Variants in TBC1D16 observed in about 807,000 individuals in gnomAD.
The protein encoded by TBC1D16 is TBC1 domain family member 16.
A neutral mutation model predicts 74.7 loss-of-function variants in TBC1D16; 58 were observed. That is an observed-to-expected ratio of 0.78 (90% CI 0.63 to 0.97). TBC1D16 has a LOEUF of 0.97. Among genes scored for constraint, TBC1D16 ranks in the 50% least tolerant of loss-of-function variants. TBC1D16 has a pLI of 0.00. For synonymous variants in TBC1D16, 493 were observed against 474.7 expected (o/e 1.04, Z -0.50); for missense variants, 1,014 against 1,079.5 (o/e 0.94, Z 0.85).
At position 79,987,102 on chromosome 17, in the gene TBC1D16, GCAGAA is replaced by G. The variant is rs2034870611; in HGVS notation, c.779+23053_779+23057del. On this transcript the variant is annotated intron_variant, in intron 3 of 11. Transcript: ENST00000310924. This position sits in a 1 kb window ranked among gnomAD's most constrained non-coding sequence, Gnocchi z 5.2. Reference sequence around the variant, plus strand: ...GCTGTGCCCAGTGTCGCTGCCCAAGGCAGAACTGGCTGCCCACCAGGGGCAGGAGA... The same window carrying G: ...GCTGTGCCCAGTGTCGCTGCCCAAGGCTGGCTGCCCACCAGGGGCAGGAGA... Among the ~76,000 whole-genome samples, 2 of 152,206 alleles carry G rather than the reference GCAGAA, an allele frequency of 1.3e-5. No individual in the cohort carries two copies. The highest frequency in any genetic ancestry group is 4.8e-5 in the African/African-American group (2 of 41,460).
chr17:79,949,499 G>A (rs1231638589), intron 7 of TBC1D16, among the ~76,000 whole-genome samples: 5 of 152,230 alleles, frequency 3.3e-5, no homozygotes, highest in African/African-American at 1.2e-4. Flanking sequence ...ACCTTGACAT[G>A]TGAGCTAACG....
Position 79,948,879 on chromosome 17 carries a change from T to C in TBC1D16, c.1534A>G (p.Ser512Gly), listed in dbSNP as rs1469693207. The C allele has an allele frequency of 1.2e-6, 2 of 1,613,914 alleles. No individual in the cohort carries two copies. Among genetic ancestry groups the C allele is most frequent in the Non-Finnish European group, 8.5e-7 (1 of 1,179,982 alleles). Reference protein sequence around the residue: ...FRGEDNPNVESMRRILLNYAV... With the variant: ...FRGEDNPNVEGMRRILLNYAV... ...TGGCTGGGGAGGGAGTACCTCATGCTCTCCACATTGGGATTGTCTTCCCCC... is the reference window on the plus strand; with the variant it reads ...TGGCTGGGGAGGGAGTACCTCATGCCCTCCACATTGGGATTGTCTTCCCCC... The change falls in exon 8 of 12, where the codon AGC (serine) becomes GGC (glycine). Residue 512 changes from serine to glycine, a missense_variant. Transcript: ENST00000310924.
chr17:80,013,269 A>G (rs1483032688), intron 2 of TBC1D16, 98 bp downstream of exon 2: 1 of 1,182,226 alleles, frequency 8.5e-7, no homozygotes, highest in East Asian at 2.8e-5. Context: ...AGAGGAACCA[A>G]ATGCACTCTC....
chr17:79,988,073 G>A lies in TBC1D16; in HGVS notation c.779+22087C>T, dbSNP rs1275611008. Reference sequence around the variant, plus strand: ...TTCAATATTTCCTTCTGATTCAAACGAAATACTTCTAAGTTCTTCTCTGTG... The same window carrying A: ...TTCAATATTTCCTTCTGATTCAAACAAAATACTTCTAAGTTCTTCTCTGTG... On this transcript the variant is annotated intron_variant, in intron 3 of 11. Transcript: ENST00000310924. The surrounding 1 kb of genome is among the most constrained non-coding windows in gnomAD (Gnocchi z 5.7). Among the ~76,000 whole-genome samples, 1 of 152,156 alleles carries A rather than the reference G, an allele frequency of 6.6e-6. No homozygotes were observed. Among genetic ancestry groups the A allele is most frequent in the Non-Finnish European group, 1.5e-5 (1 of 68,008 alleles).
chr17:80,007,450 C>G lies in TBC1D16; in HGVS notation c.779+2710G>C, dbSNP rs563028168. On this transcript the variant is annotated intron_variant, in intron 3 of 11. Coordinates refer to ENST00000310924, the MANE Select transcript of TBC1D16 (RefSeq NM_019020.4). This position sits in a 1 kb window ranked among gnomAD's most constrained non-coding sequence, Gnocchi z 4.5. ...CACATAACTCAGGATGATGCCAGGA[C>G]TGGAAACAGATCTGTCGGACCCCAA... Among the ~76,000 whole-genome samples, 9 of 152,212 alleles carry G rather than the reference C, an allele frequency of 5.9e-5. No individual in the cohort carries two copies. The highest frequency in any genetic ancestry group is 1.3e-4 in the Non-Finnish European group (9 of 68,038).
At position 79,936,939 on chromosome 17, in the gene TBC1D16, T is replaced by TGTGTGTGC. The variant is rs869274383; in HGVS notation, c.*3919_*3920insGCACACAC. ...GTGTGTGTGTGTGTGTGTGTGTGTG[T>TGTGTGTGC]GCGCATTTTCCCAGGGGACCTCTCC... On this transcript the variant is annotated 3_prime_UTR_variant, in exon 12 of 12. Coordinates refer to ENST00000310924, the MANE Select transcript of TBC1D16 (RefSeq NM_019020.4). 1,792 of 148,914 alleles carry TGTGTGTGC rather than the reference T, an allele frequency of 0.012. 16 individuals are homozygous for TGTGTGTGC. Among genetic ancestry groups the TGTGTGTGC allele is most frequent in the Middle Eastern group, 0.027 (8 of 292 alleles). 9.2% of individuals were successfully genotyped at this position (148,914 alleles called of 1,614,324 possible). A position where few individuals can be genotyped will look rare whatever the true frequency, so the allele number is the denominator to read the frequency against.
rs556494781 is a variant in TBC1D16, at chr17:80,025,279, C to T, written c.-63+10516G>A. ...TTCTCCGACAGCGCCAGTGTTGACA[C>T]GCCAGAGGCTGCCTGGGCCCCACTC... On this transcript the variant is annotated intron_variant, in intron 1 of 11. Coordinates refer to ENST00000310924, the MANE Select transcript of TBC1D16 (RefSeq NM_019020.4). Among the ~76,000 whole-genome samples the T allele has an allele frequency of 3.0e-4, 45 of 150,094 alleles. 1 individual carries two copies. In the South Asian group the frequency reaches 6.1e-3, roughly 20 times the overall value.
rs896411425 is a variant in TBC1D16 at position 80,001,653 on chromosome 17, C to A, written c.779+8507G>T. On this transcript the variant is annotated intron_variant, in intron 3 of 11. Coordinates refer to ENST00000310924, the MANE Select transcript of TBC1D16 (RefSeq NM_019020.4). The surrounding 1 kb of genome is among the most constrained non-coding windows in gnomAD (Gnocchi z 5.8). ...TCCCAGCTCCTGGCCATCCCACCTC[C>A]GAGGTCTCTCTGGGACCCAGTTGTC... 5.3e-5 allele frequency among the ~76,000 whole-genome samples: 8 copies of A among 152,122 alleles called. No homozygotes were observed. Among genetic ancestry groups the A allele is most frequent in the African/African-American group, 1.9e-4 (8 of 41,430 alleles).
chr17:79,995,910 C>A (rs78373604), intron 3 of TBC1D16, among the ~76,000 whole-genome samples: 2,024 of 152,244 alleles, frequency 0.013, 31 homozygotes, highest in East Asian at 0.059. Context: ...ACATTAAAGT[C>A]TTTTGCTTTG....
chr17:79,972,897 C>T (rs1348488954), intron 3 of TBC1D16, among the ~76,000 whole-genome samples: 1 of 152,062 alleles, frequency 6.6e-6, no homozygotes, highest in Non-Finnish European at 1.5e-5. Context: ...GCCTGGGTAA[C>T]ATGATGAAAC....
In TBC1D16 at chr17:79,944,035, G is replaced by A; in HGVS notation, c.1908+873C>T. The A allele has an allele frequency of 1.3e-6, 2 of 1,535,780 alleles. No homozygotes were observed. Among genetic ancestry groups the A allele is most frequent in the Non-Finnish European group, 1.7e-6 (2 of 1,146,730 alleles). ...AGACCCGGGCCAGGGGCGAGCCGAT[G>A]ACCGCATGCAAAGGCGGCGTGTGGT... On this transcript the variant is annotated intron_variant, in intron 10 of 11. Transcript: ENST00000310924. This position sits in a 1 kb window ranked among gnomAD's most constrained non-coding sequence, Gnocchi z 7.7.
At chr17:79,957,061 C>T (rs1485617133) in intron 3 of TBC1D16, among the ~76,000 whole-genome samples, 3 of 152,154 alleles carry the variant, frequency 2.0e-5, no homozygotes, top group Non-Finnish European at 4.4e-5. Context: ...ACTGCCAAAG[C>T]GAGTCTCTGT....
At chr17:79,974,065 T>C (rs1412922203) in intron 3 of TBC1D16, among the ~76,000 whole-genome samples, 2 of 152,192 alleles carry the variant, frequency 1.3e-5, no homozygotes, top group Non-Finnish European at 2.9e-5. Context: ...GTGGGGCCAT[T>C]ATTCAGTCAA....
chr17:79,937,976 A>T lies in TBC1D16; in HGVS notation c.*2883T>A, dbSNP rs574165640. On this transcript the variant is annotated 3_prime_UTR_variant, in exon 12 of 12. Coordinates refer to ENST00000310924, the MANE Select transcript of TBC1D16 (RefSeq NM_019020.4). ...AGCCAATAACATTAAGTGTCATTTT[A>T]AAAAATGGGTTAAATAAGCAGCATT... 1 of 152,366 alleles carries T rather than the reference A, an allele frequency of 6.6e-6. No homozygotes were observed. Among genetic ancestry groups the T allele is most frequent in the Admixed American group, 6.5e-5 (1 of 15,310 alleles). The allele number at this position is 152,366 out of a possible 1,614,324, so 9.4% of individuals were successfully genotyped here.
At chr17:79,953,084 G>A in intron 3 of TBC1D16, 1 of 311,748 alleles carries the variant, frequency 3.2e-6, no homozygotes, top group Non-Finnish European at 5.9e-6. Context: ...TCATCGTCCT[G>A]ACAGCCAAGG....
Position 79,941,032 on chromosome 17 carries a change from C to T in TBC1D16, c.2131G>A (p.Gly711Arg), listed in dbSNP as rs368224291. ...GAGCCGCTGTCCCACATGCCTGACC[C>T]GCACAGCTTACACAGATCGTGCAGG... ...CSLHDLCKLC[G>R]SGMWDSGSMP... Residue 711 changes from glycine to arginine, a missense_variant, in exon 12 of 12, where the codon GGG (glycine) becomes AGG (arginine). Physicochemically the swap from Gly to Arg is moderately radical, Grantham distance 125. Coordinates refer to ENST00000310924, the MANE Select transcript of TBC1D16 (RefSeq NM_019020.4). This position sits in a 1 kb window ranked among gnomAD's most constrained non-coding sequence, Gnocchi z 4.3. The T allele has an allele frequency of 7.5e-6, 12 of 1,607,574 alleles. No homozygotes were observed. The highest frequency in any genetic ancestry group is 1.0e-5 in the Non-Finnish European group (12 of 1,177,850).
At chr17:79,957,856 T>G (rs563904159) in intron 3 of TBC1D16, among the ~76,000 whole-genome samples, 22 of 143,920 alleles carry the variant, frequency 1.5e-4, no homozygotes, top group Admixed American at 1.0e-3. Context: ...TAACATCTAT[T>G]AAAAAAAAAA....
Position 80,000,523 on chromosome 17 carries a change from C to T in TBC1D16, c.779+9637G>A, listed in dbSNP as rs2035448655. On this transcript the variant is annotated intron_variant, in intron 3 of 11. Coordinates refer to ENST00000310924, the MANE Select transcript of TBC1D16 (RefSeq NM_019020.4). This position sits in a 1 kb window ranked among gnomAD's most constrained non-coding sequence, Gnocchi z 4.1. ...AGAGGGAGCGTGGCTCTGCAGACAC[C>T]TTGATTTTGGACCTCTGGCTCCAGG... 6.6e-6 allele frequency among the ~76,000 whole-genome samples: 1 copy of T among 152,164 alleles called. No individual in the cohort carries two copies. Among genetic ancestry groups the T allele is most frequent in the Non-Finnish European group, 1.5e-5 (1 of 68,016 alleles).
chr17:80,005,254 T>C (rs1042724937), intron 3 of TBC1D16, among the ~76,000 whole-genome samples: 1 of 152,176 alleles, frequency 6.6e-6, no homozygotes, highest in Admixed American at 6.6e-5. Context: ...AGCTAATTTT[T>C]TTTTCTTTTT....
Sources: gnomAD v4.1 joint callset for allele counts (sites outside exome capture counted in the v4.1 genomes callset) on GRCh38, gnomAD v4.1.1 for gene constraint, Gnocchi (gnomAD v3.1) non-coding constraint, MANE v1.5 for transcripts, NCBI Gene and HGNC (gene_info 2026-07-23, HGNC 2026-07-21) for gene names.